Variants in NEBL observed in about 807,000 individuals in gnomAD.
NEBL encodes the protein nebulette.
In NEBL, 122 loss-of-function variants were observed where a neutral mutation model predicts 140.2. That is an observed-to-expected ratio of 0.87 (90% confidence interval 0.75 to 1.01). The LOEUF is 1.01. NEBL is among the 50% of genes least tolerant of loss of function. The pLI is 0.00. For synonymous variants in NEBL, 436 were observed against 398.9 expected, an observed-to-expected ratio of 1.09 and a Z score of -1.11; for missense variants, 1,365 against 1,231.3, an observed-to-expected ratio of 1.11 and a Z score of -1.62.
At chr10:20,895,398 G>A (rs1424755285) in intron 2 of NEBL, among the ~76,000 whole-genome samples, 2 of 152,166 alleles carry the variant, frequency 1.3e-5, no homozygotes, top group African/African-American at 4.8e-5. Context: ...TGTAAAGAGG[G>A]AGGCCTCTGT....
At chr10:20,863,552 T>C (rs1843948048) in intron 7 of NEBL, among the ~76,000 whole-genome samples, 1 of 152,194 alleles carries the variant, frequency 6.6e-6, no homozygotes, top group Non-Finnish European at 1.5e-5. Flanking sequence ...ATAATATCTT[T>C]AAGTCTTAAT....
intron 3 of NEBL, among the ~76,000 whole-genome samples, chr10:21,012,156 G>C (rs115640992): frequency 0.012 from 1,858 of 152,104 alleles, 36 homozygotes; most frequent in African/African-American, 0.041. Context: ...TTTTCTGCTT[G>C]CTTCGTACAA....
At chr10:20,878,143 C>T (rs957162443) in intron 5 of NEBL, among the ~76,000 whole-genome samples, 3 of 152,136 alleles carry the variant, frequency 2.0e-5, no homozygotes, top group African/African-American at 7.2e-5. Context: ...CCGGGAACTC[C>T]ATTACTCAGA....
At chr10:21,057,610 C>T (rs1020460245) in intron 2 of NEBL, among the ~76,000 whole-genome samples, 7 of 132,326 alleles carry the variant, frequency 5.3e-5, no homozygotes, top group African/African-American at 1.1e-4. Flanking sequence ...AGTGCAGTAG[C>T]GTGAACTTGG....
intron 3 of NEBL, among the ~76,000 whole-genome samples, chr10:21,207,309 T>C (rs1841843218): frequency 6.6e-6 from 1 of 152,144 alleles, no homozygotes; most frequent in South Asian, 2.1e-4. Context: ...ACATCCTATC[T>C]ATAGGAATGA....
At chr10:21,278,685 A>T (rs751610659) in intron 1 of NEBL, among the ~76,000 whole-genome samples, 3 of 152,202 alleles carry the variant, frequency 2.0e-5, no homozygotes, top group Non-Finnish European at 4.4e-5. Context: ...TGCAGAAAGG[A>T]AGGGACAGAG....
chr10:21,283,597 A>C (rs905684033), intron 1 of NEBL, among the ~76,000 whole-genome samples: 1 of 152,166 alleles, frequency 6.6e-6, no homozygotes, highest in Admixed American at 6.5e-5. Flanking sequence ...TAGAAAGGTT[A>C]TAGAGTACAT....
chr10:21,096,481 G>A (rs1837189557), intron 2 of NEBL, among the ~76,000 whole-genome samples: 2 of 141,374 alleles, frequency 1.4e-5, no homozygotes, highest in Admixed American at 1.4e-4. Context: ...AGAGCAACTT[G>A]GTTTTGAGTG....
At chr10:20,982,589 G>T (rs1402874407) in intron 3 of NEBL, among the ~76,000 whole-genome samples, 1 of 152,052 alleles carries the variant, frequency 6.6e-6, no homozygotes, top group Non-Finnish European at 1.5e-5. Flanking sequence ...CTGTTGAAAA[G>T]ATGTTTTCTG....
intron 4 of NEBL, among the ~76,000 whole-genome samples, chr10:20,887,493 G>A (rs1022380040): frequency 3.0e-5 from 4 of 134,976 alleles, no homozygotes; most frequent in African/African-American, 5.7e-5. Context: ...ATCTTGGTTC[G>A]CTGCAGCCTC....
At chr10:21,277,842 C>A (rs948990837) in intron 1 of NEBL, among the ~76,000 whole-genome samples, 2 of 151,978 alleles carry the variant, frequency 1.3e-5, no homozygotes, top group African/African-American at 4.8e-5. Context: ...TTTTAAGAGA[C>A]AAGGTGTCTT....
chr10:21,198,524 T>C (rs1841686685), intron 3 of NEBL, among the ~76,000 whole-genome samples: 1 of 152,206 alleles, frequency 6.6e-6, no homozygotes, highest in Non-Finnish European at 1.5e-5. Context: ...AATGTAGGTT[T>C]AGGCAATAGA....
rs568843941 is a variant in NEBL, at chr10:20,937,655, G to A, written c.357+24017C>T. 3.9e-5 allele frequency among the ~76,000 whole-genome samples: 6 copies of A among 152,292 alleles called. No homozygotes were observed. In the East Asian group the frequency reaches 1.2e-3, roughly 29 times the overall value. On this transcript the variant is annotated intron_variant, in intron 4 of 6. Transcript: ENST00000417816. Reference sequence around the variant, plus strand: ...GCAGGGTGAGGCATCGCCTCACCCAGGATGCACAAGGGGTCAGGGAATTCC... The same window carrying A: ...GCAGGGTGAGGCATCGCCTCACCCAAGATGCACAAGGGGTCAGGGAATTCC...
At chr10:20,847,760 C>T (rs1409644728) in intron 11 of NEBL, among the ~76,000 whole-genome samples, 1 of 152,158 alleles carries the variant, frequency 6.6e-6, no homozygotes, top group Non-Finnish European at 1.5e-5. Flanking sequence ...ATGTTAACAG[C>T]TTCATACTGT....
At chr10:21,165,176 G>A (rs1197337345) in intron 2 of NEBL, among the ~76,000 whole-genome samples, 2 of 152,290 alleles carry the variant, frequency 1.3e-5, no homozygotes, top group East Asian at 3.9e-4. Context: ...TCCCTGGTAG[G>A]TGGGAATTAT....
At position 21,154,339 on chromosome 10, in the gene NEBL, GTCCCAGCTAC is replaced by G. The variant is rs778969560; in HGVS notation, c.164+18034_164+18043del. Among the ~76,000 whole-genome samples the G allele has an allele frequency of 2.6e-5, 4 of 151,582 alleles. 1 individual carries two copies. Among genetic ancestry groups the G allele is most frequent in the Non-Finnish European group, 5.9e-5 (4 of 67,906 alleles). Reference sequence around the variant, plus strand: ...CCAAGCATGGTGGCATGTGCCTGTAGTCCCAGCTACTCGGGAGGCTGAGGCAGGAGAATCA... The same window carrying G: ...CCAAGCATGGTGGCATGTGCCTGTAGTCGGGAGGCTGAGGCAGGAGAATCA... On this transcript the variant is annotated intron_variant, in intron 2 of 6. Coordinates refer to the NEBL transcript ENST00000417816.
In NEBL at chr10:21,001,709, T is replaced by G. The variant is rs1427240831; in HGVS notation, c.249+18408A>C. On this transcript the variant is annotated intron_variant, in intron 3 of 6. Transcript: ENST00000417816. ...TCTAAGCATGTGGGAGTTATTTATA[T>G]CCTACTGCTCAAGGTCATCGCCAAG... is the stretch of plus-strand genomic sequence containing the variant. Among the ~76,000 whole-genome samples the G allele has an allele frequency of 5.9e-5, 9 of 152,266 alleles. No homozygotes were observed. In the East Asian group the frequency reaches 9.7e-4, roughly 16 times the overall value.
chr10:21,191,989 G>T (rs975877634), intron 3 of NEBL, among the ~76,000 whole-genome samples: 1 of 152,094 alleles, frequency 6.6e-6, no homozygotes, highest in Non-Finnish European at 1.5e-5. Flanking sequence ...GTATTAAAGG[G>T]TTATTGATTG....
At chr10:21,272,236 A>G (rs2132290429) in intron 1 of NEBL, among the ~76,000 whole-genome samples, 1 of 150,118 alleles carries the variant, frequency 6.7e-6, no homozygotes, top group East Asian at 2.0e-4. Flanking sequence ...AAGTGCTGGA[A>G]TTACAGGCGT....
Sources: allele counts gnomAD v4.1 joint callset (sites outside exome capture counted in the v4.1 genomes callset), GRCh38; gene constraint gnomAD v4.1.1; transcripts MANE v1.5; gene names NCBI Gene and HGNC (gene_info 2026-07-23, HGNC 2026-07-21).